The following MIB1 variants were observed in gnomAD, a reference collection of about 807,000 sequenced individuals.
The protein encoded by MIB1 is E3 ubiquitin-protein ligase MIB1.
Under a neutral mutation model 124.5 loss-of-function variants are expected in MIB1, and 278 were observed. That is an observed-to-expected ratio of 2.23 (90% CI 2.02 to 2.47). The LOEUF is 2.47. Ranked by LOEUF, MIB1 falls within the 30% of genes most tolerant of loss-of-function variation. The pLI, the probability that MIB1 is intolerant of heterozygous loss-of-function variation, is 0.00. For synonymous variants in MIB1, 446 were observed against 429.4 expected, an observed-to-expected ratio of 1.04 and a Z score of -0.48; for missense variants, 957 against 1,254.4, an observed-to-expected ratio of 0.76 and a Z score of 3.58.
chr18:21,719,612 A>ATT (rs1274166599), intron 1 of MIB1, among the ~76,000 whole-genome samples: 7 of 121,370 alleles, frequency 5.8e-5, no homozygotes, highest in Non-Finnish European at 8.8e-5. Flanking sequence ...ACGCTGGGCT[A>ATT]TTTTTTTTTT....
intron 1 of MIB1, among the ~76,000 whole-genome samples, chr18:21,754,690 A>T (rs1227240702): frequency 6.6e-6 from 1 of 152,188 alleles, no homozygotes; most frequent in Non-Finnish European, 1.5e-5. Flanking sequence ...ATCTACAGTA[A>T]TGAACCGTCT....
intron 4 of MIB1, among the ~76,000 whole-genome samples, chr18:21,776,497 T>C (rs12966680): frequency 0.39 from 59,441 of 152,048 alleles, 13,010 homozygotes; most frequent in East Asian, 0.53. Flanking sequence ...ACCTGTACTA[T>C]TAGGCACTTT....
chr18:21,863,120 C>T (rs904433703), intron 20 of MIB1, among the ~76,000 whole-genome samples: 4 of 152,152 alleles, frequency 2.6e-5, no homozygotes, highest in African/African-American at 4.8e-5. Flanking sequence ...CAACTGTTTG[C>T]GGGAGGGAGC....
chr18:21,756,341 G>A (rs1298134767), intron 1 of MIB1, among the ~76,000 whole-genome samples: 2 of 152,076 alleles, frequency 1.3e-5, no homozygotes, highest in Non-Finnish European at 2.9e-5. Context: ...CCTCCATTTC[G>A]AGCCTTCATT....
intron 4 of MIB1, among the ~76,000 whole-genome samples, chr18:21,775,487 C>T (rs1275742362): frequency 1.3e-5 from 2 of 152,184 alleles, no homozygotes; most frequent in Non-Finnish European, 2.9e-5. Flanking sequence ...AAGCGATCCC[C>T]CACCTTGGCC....
At chr18:21,743,805 T>G (rs550450088) in intron 1 of MIB1, among the ~76,000 whole-genome samples, 1 of 152,356 alleles carries the variant, frequency 6.6e-6, no homozygotes, top group East Asian at 1.9e-4. Context: ...TAACAGATTC[T>G]TTACTACGGT....
chr18:21,718,843 G>A (rs1352223167), intron 1 of MIB1, among the ~76,000 whole-genome samples: 1 of 152,132 alleles, frequency 6.6e-6, no homozygotes, highest in African/African-American at 2.4e-5. Flanking sequence ...GTGAGGCCAA[G>A]AGTTCAAGAC....
intron 12 of MIB1, among the ~76,000 whole-genome samples, chr18:21,837,608 C>G (rs1022735361): frequency 6.6e-6 from 1 of 152,156 alleles, no homozygotes; most frequent in African/African-American, 2.4e-5. Context: ...TCTCAGACTT[C>G]TTGAACTTAG....
chr18:21,765,789 A>G lies in MIB1; in HGVS notation c.247A>G (p.Thr83Ala). The change falls in exon 2 of 21, where the codon ACC (threonine) becomes GCC (alanine). Residue 83 changes from threonine (T) to alanine (A), a missense_variant. By Grantham distance (58) the Thr-to-Ala change is moderately conservative. Transcript: ENST00000261537. Reference protein sequence around the residue: ...SAPTGIKHDGTMCDTCRQQPI... With the variant: ...SAPTGIKHDGAMCDTCRQQPI... ...TTTAATAGGCATCAAGCATGATGGA[A>G]CCATGTGTGATACCTGCCGCCAGCA... is the stretch of plus-strand genomic sequence containing the variant. The G allele has an allele frequency of 6.2e-7, 1 of 1,614,150 alleles. No individual in the cohort carries two copies. Among genetic ancestry groups the G allele is most frequent in the South Asian group, 1.1e-5 (1 of 91,082 alleles).
At chr18:21,864,285 A>G (rs961284261) in intron 20 of MIB1, among the ~76,000 whole-genome samples, 1 of 152,140 alleles carries the variant, frequency 6.6e-6, no homozygotes, top group Non-Finnish European at 1.5e-5. Flanking sequence ...TGTGTTTTAT[A>G]TATTAATAGT....
intron 12 of MIB1, among the ~76,000 whole-genome samples, chr18:21,821,406 T>C (rs1046451762): frequency 1.3e-5 from 2 of 152,112 alleles, no homozygotes. Flanking sequence ...GCTTTGCCCA[T>C]CGTCTATTCT....
chr18:21,767,078 T>C (rs1392094037), intron 2 of MIB1, among the ~76,000 whole-genome samples: 1 of 152,222 alleles, frequency 6.6e-6, no homozygotes, highest in African/African-American at 2.4e-5. Context: ...TATGTAGTAC[T>C]GTGAGAACAG....
chr18:21,737,839 T>C (rs2040802782), upstream of MIB1, among the ~76,000 whole-genome samples: 1 of 152,146 alleles, frequency 6.6e-6, no homozygotes, highest in Non-Finnish European at 1.5e-5. Context: ...CTATCCTAAA[T>C]ATATATGCAC....
chr18:21,834,394 G>A (rs2042008629), intron 12 of MIB1, among the ~76,000 whole-genome samples: 1 of 152,104 alleles, frequency 6.6e-6, no homozygotes, highest in Admixed American at 6.6e-5. Flanking sequence ...CCCTCAAGGA[G>A]GTGAACTATA....
At chr18:21,747,789 A>G (rs561246239) in intron 1 of MIB1, among the ~76,000 whole-genome samples, 47 of 152,314 alleles carry the variant, frequency 3.1e-4, no homozygotes, top group African/African-American at 1.1e-3. Context: ...GTAGCCACCC[A>G]CCAGGGTCTC....
At chr18:21,808,591 T>G (rs962121121) in intron 10 of MIB1, among the ~76,000 whole-genome samples, 2 of 152,166 alleles carry the variant, frequency 1.3e-5, no homozygotes, top group African/African-American at 4.8e-5. Flanking sequence ...TTATATTTTG[T>G]TTCCTATTTC....
chr18:21,842,356 T>A (rs1355662999), intron 13 of MIB1, among the ~76,000 whole-genome samples: 1 of 152,144 alleles, frequency 6.6e-6, no homozygotes, highest in Non-Finnish European at 1.5e-5. Context: ...TTTTAAAAAA[T>A]TTTTAAATTA....
At chr18:21,851,632 A>G (rs1436448997) in intron 17 of MIB1, among the ~76,000 whole-genome samples, 2 of 152,190 alleles carry the variant, frequency 1.3e-5, no homozygotes, top group African/African-American at 4.8e-5. Flanking sequence ...GAGAAATACA[A>G]AGAAGGAAAT....
chr18:21,706,593 G>C (rs924700549), intron 1 of MIB1, among the ~76,000 whole-genome samples: 1 of 152,024 alleles, frequency 6.6e-6, no homozygotes, highest in Non-Finnish European at 1.5e-5. Flanking sequence ...GTGTGGGCTC[G>C]GCGGGCCCTG....
Sources: allele counts gnomAD v4.1 joint callset (sites outside exome capture counted in the v4.1 genomes callset), GRCh38; gene constraint gnomAD v4.1.1; transcripts MANE v1.5; gene names NCBI Gene and HGNC (gene_info 2026-07-23, HGNC 2026-07-21).